Variants in KIAA1549L observed in about 807,000 individuals in gnomAD.
KIAA1549L encodes the protein KIAA1549 like.
Under a neutral mutation model 160.7 loss-of-function variants are expected in KIAA1549L, and 88 were observed. The ratio of observed to expected loss-of-function variants is 0.55; its 90% CI spans 0.46 to 0.65. The LOEUF (loss-of-function observed/expected upper bound fraction) is 0.65. KIAA1549L is among the 30% of genes least tolerant of loss of function. The probability of loss-of-function intolerance (pLI) is 0.00; values close to 1 mark genes in which losing one functional copy is unlikely to be tolerated. For synonymous variants in KIAA1549L, 950 were observed against 976.7 expected (o/e 0.97, Z 0.51); for missense variants, 2,258 against 2,437.5 (o/e 0.93, Z 1.55).
rs1281652049 is a variant in KIAA1549L at position 33,542,119 on chromosome 11, G to A, written c.556G>A (p.Gly186Arg). 3.8e-6 allele frequency: 2 copies of A among 522,432 alleles called. No individual in the cohort carries two copies. Among genetic ancestry groups the A allele is most frequent in the East Asian group, 5.1e-5 (1 of 19,760 alleles). 32.4% of individuals were successfully genotyped at this position (522,432 alleles called of 1,614,324 possible). Reference sequence around the variant, plus strand: ...GTCCCTGGTCCAACCGGGGCCTAAAGGGGGACAAGAAGCAGCCGATGTGTC... The same window carrying A: ...GTCCCTGGTCCAACCGGGGCCTAAAAGGGGACAAGAAGCAGCCGATGTGTC... The part of the protein sequence containing the change: ...TESLVQPGPK[G>R]GQEAADVSGL... The change falls in exon 2 of 21, where the codon GGG (glycine) becomes AGG (arginine). Residue 186 changes from glycine to arginine, a missense_variant. Physicochemically the swap from Gly to Arg is moderately radical, Grantham distance 125 (BLOSUM62 -2). Transcript: ENST00000658780.
chr11:33,557,218 G>T (rs1854680054), intron 6 of KIAA1549L, among the ~76,000 whole-genome samples: 1 of 152,156 alleles, frequency 6.6e-6, no homozygotes. Flanking sequence ...TGAACTCCTG[G>T]GCTCAAGTGA....
chr11:33,549,744 C>CTA (rs1176102851), intron 4 of KIAA1549L, among the ~76,000 whole-genome samples: 4 of 152,150 alleles, frequency 2.6e-5, no homozygotes. Flanking sequence ...TGTTTCATGC[C>CTA]TATAATCCCA....
chr11:33,412,743 C>G (rs1850808869), intron 1 of KIAA1549L, among the ~76,000 whole-genome samples: 1 of 152,188 alleles, frequency 6.6e-6, no homozygotes, highest in Non-Finnish European at 1.5e-5. Context: ...GTCTGTTTGA[C>G]TTGTTATTGT....
intron 1 of KIAA1549L, among the ~76,000 whole-genome samples, chr11:33,434,509 T>C (rs1485617010): frequency 6.6e-6 from 1 of 152,166 alleles, no homozygotes; most frequent in Non-Finnish European, 1.5e-5. Context: ...CATGTGGACA[T>C]ATGTCCGTTG....
intron 11 of KIAA1549L, among the ~76,000 whole-genome samples, chr11:33,586,871 T>C (rs1214813163): frequency 6.6e-6 from 1 of 152,198 alleles, no homozygotes; most frequent in African/African-American, 2.4e-5. Flanking sequence ...ATAGTGAAGA[T>C]GCAATGAGAA....
At chr11:33,607,631 G>GT (rs1387133264) in intron 14 of KIAA1549L, among the ~76,000 whole-genome samples, 2 of 152,180 alleles carry the variant, frequency 1.3e-5, no homozygotes, top group East Asian at 3.8e-4. Flanking sequence ...CAGGTTGGTT[G>GT]TTAATTTCAT....
chr11:33,639,438 ACT>A (rs1471060837), intron 16 of KIAA1549L, among the ~76,000 whole-genome samples: 17 of 152,028 alleles, frequency 1.1e-4, no homozygotes, highest in African/African-American at 4.1e-4. Context: ...ATATACCATA[ACT>A]CTCCAAAACT....
chr11:33,660,795 G>A (rs1852233063), intron 19 of KIAA1549L, 68 bp from the exon 20 acceptor site: 2 of 1,511,594 alleles, frequency 1.3e-6, no homozygotes, highest in Non-Finnish European at 9.1e-7. Context: ...ACTTTATTTG[G>A]CTCTTGGGTG....
chr11:33,608,453 T>A (rs1850564965), intron 14 of KIAA1549L, among the ~76,000 whole-genome samples: 1 of 152,256 alleles, frequency 6.6e-6, no homozygotes, highest in African/African-American at 2.4e-5. Context: ...AGTCACTGAA[T>A]TTTCTCTTGG....
At chr11:33,642,025 C>T (rs1243395115) in intron 16 of KIAA1549L, among the ~76,000 whole-genome samples, 1 of 152,114 alleles carries the variant, frequency 6.6e-6, no homozygotes, top group Non-Finnish European at 1.5e-5. Context: ...AAACTTATCA[C>T]TACTCAATAT....
At position 33,520,719 on chromosome 11, in the gene KIAA1549L, AC is replaced by A. The variant is rs1320300248; in HGVS notation, c.239-21082del. On this transcript the variant is annotated intron_variant, in intron 1 of 20. Transcript: ENST00000658780. Reference sequence around the variant, plus strand: ...CACACACACACACACACACACACACACACACACACACACACACACACTCCCT... The same window carrying A: ...CACACACACACACACACACACACACAACACACACACACACACACACTCCCT... Among the ~76,000 whole-genome samples the A allele has an allele frequency of 7.4e-4, 109 of 147,274 alleles. 1 individual carries two copies. The South Asian group carries it at 0.022, about 29-fold the overall frequency.
At chr11:33,555,222 G>A (rs1854608236) in intron 6 of KIAA1549L, among the ~76,000 whole-genome samples, 1 of 152,166 alleles carries the variant, frequency 6.6e-6, no homozygotes. Flanking sequence ...ACTTTATATT[G>A]ATTGTTACTA....
chr11:33,582,933 T>C (rs1023985402), intron 10 of KIAA1549L, among the ~76,000 whole-genome samples: 3 of 152,236 alleles, frequency 2.0e-5, no homozygotes, highest in Admixed American at 6.5e-5. Flanking sequence ...GGCTTTTGCC[T>C]CTTGATTCCA....
intron 1 of KIAA1549L, among the ~76,000 whole-genome samples, chr11:33,496,559 C>T (rs1347300706): frequency 6.6e-6 from 1 of 152,212 alleles, no homozygotes; most frequent in East Asian, 1.9e-4. Context: ...ATCCCCTTGT[C>T]AGCATTTCCA....
intron 1 of KIAA1549L, among the ~76,000 whole-genome samples, chr11:33,402,297 C>T (rs1029850671): frequency 1.3e-5 from 2 of 152,178 alleles, no homozygotes; most frequent in African/African-American, 4.8e-5. Flanking sequence ...TAGACTCCTC[C>T]TCCTCCTTCA....
chr11:33,406,401 G>A (rs1013799099), intron 1 of KIAA1549L, among the ~76,000 whole-genome samples: 1 of 152,220 alleles, frequency 6.6e-6, no homozygotes, highest in African/African-American at 2.4e-5. Context: ...GGCAACACCA[G>A]TGTGCATGTG....
intron 1 of KIAA1549L, among the ~76,000 whole-genome samples, chr11:33,486,691 A>G (rs1852535772): frequency 6.6e-6 from 1 of 152,148 alleles, no homozygotes; most frequent in African/African-American, 2.4e-5. Flanking sequence ...CCTTTGAATC[A>G]TTGCCTACGT....
intron 1 of KIAA1549L, among the ~76,000 whole-genome samples, chr11:33,393,258 A>G (rs1850306380): frequency 6.6e-6 from 1 of 152,072 alleles, no homozygotes; most frequent in African/African-American, 2.4e-5. Flanking sequence ...ATTACCATCT[A>G]CACTTCTTCA....
At chr11:33,617,920 T>G (rs570643494) in intron 15 of KIAA1549L, among the ~76,000 whole-genome samples, 1 of 150,700 alleles carries the variant, frequency 6.6e-6, no homozygotes, top group Admixed American at 6.6e-5. Flanking sequence ...GATGGACGGA[T>G]GGATGGATGG....
Sources: allele counts gnomAD v4.1 joint callset (sites outside exome capture counted in the v4.1 genomes callset), GRCh38; gene constraint gnomAD v4.1.1; transcripts MANE v1.5; gene names NCBI Gene and HGNC (gene_info 2026-07-23, HGNC 2026-07-21).